The following EML5 variants were observed in gnomAD, a reference collection of about 807,000 sequenced individuals.
EML5 encodes the protein EMAP like 5, also known as echinoderm microtubule-associated protein-like 5.
In EML5, 120 loss-of-function variants were observed where a neutral mutation model predicts 250.0. The ratio of observed to expected loss-of-function variants is 0.48; its 90% CI spans 0.41 to 0.56. EML5 has a LOEUF of 0.56. Among genes scored for constraint, EML5 ranks in the 20% least tolerant of loss-of-function variants. The pLI, the probability that EML5 is intolerant of heterozygous loss-of-function variation, is 0.00. For synonymous variants in EML5, 771 were observed against 806.5 expected (o/e 0.96, Z 0.75); for missense variants, 2,006 against 2,437.6 (o/e 0.82, Z 3.73).
chr14:88,650,870 A>G (rs1299425), intron 27 of EML5, among the ~76,000 whole-genome samples: 98,857 of 151,998 alleles, frequency 0.65, 34,069 homozygotes, highest in East Asian at 0.94. Context: ...CTAAACACCT[A>G]GTCTCAAGCA....
At chr14:88,631,799 C>T (rs1438503116) in intron 33 of EML5, among the ~76,000 whole-genome samples, 1 of 152,004 alleles carries the variant, frequency 6.6e-6, no homozygotes, top group Non-Finnish European at 1.5e-5. Flanking sequence ...AACAGAAAAA[C>T]CCAAAGTGCT....
chr14:88,774,589 C>T (rs2094430049), intron 1 of EML5, among the ~76,000 whole-genome samples: 1 of 152,092 alleles, frequency 6.6e-6, no homozygotes, highest in Admixed American at 6.6e-5. Context: ...TTGGACACAG[C>T]TGATAATTCC....
chr14:88,688,534 C>CTTCTTTAT, intron 17 of EML5, 61 bp from the exon 18 acceptor site: 1 of 1,550,654 alleles, frequency 6.4e-7, no homozygotes, highest in Non-Finnish European at 8.8e-7. Flanking sequence ...TATAAAGAAG[C>CTTCTTTAT]AAAGTTTCTT....
intron 27 of EML5, among the ~76,000 whole-genome samples, chr14:88,651,890 C>T (rs2091646205): frequency 6.6e-6 from 1 of 152,012 alleles, no homozygotes; most frequent in African/African-American, 2.4e-5. Flanking sequence ...TATCTAAATT[C>T]TTGATTTACA....
chr14:88,651,308 G>A (rs2091616362), intron 27 of EML5, among the ~76,000 whole-genome samples: 1 of 151,724 alleles, frequency 6.6e-6, no homozygotes, highest in South Asian at 2.1e-4. Flanking sequence ...AAAATGCAAA[G>A]CAATTTGAAA....
intron 7 of EML5, among the ~76,000 whole-genome samples, chr14:88,729,122 A>AT (rs1170802115): frequency 6.6e-6 from 1 of 151,936 alleles, no homozygotes; most frequent in East Asian, 1.9e-4. Context: ...AATGGCAGTT[A>AT]TTTTTTTCCT....
At chr14:88,765,911 A>G (rs1414575338) in intron 1 of EML5, among the ~76,000 whole-genome samples, 3 of 152,228 alleles carry the variant, frequency 2.0e-5, no homozygotes, top group African/African-American at 4.8e-5. Flanking sequence ...GACCGGCTGA[A>G]GCCATGGCAG....
At chr14:88,695,872 C>T (rs1205180399) in intron 15 of EML5, among the ~76,000 whole-genome samples, 1 of 151,912 alleles carries the variant, frequency 6.6e-6, no homozygotes, top group Non-Finnish European at 1.5e-5. Context: ...ATGAAAAACA[C>T]GTAAGTTACA....
At chr14:88,688,691 T>C (rs1169070234) in intron 17 of EML5, among the ~76,000 whole-genome samples, 2 of 152,268 alleles carry the variant, frequency 1.3e-5, no homozygotes, top group Non-Finnish European at 2.9e-5. Flanking sequence ...AGACCTGGAC[T>C]AAGTCTGTTT....
intron 1 of EML5, among the ~76,000 whole-genome samples, chr14:88,791,929 C>T (rs1261505847): frequency 1.3e-5 from 2 of 152,186 alleles, no homozygotes; most frequent in Non-Finnish European, 2.9e-5. Context: ...TTTCCCCCCA[C>T]CCCGGGTGCT....
chr14:88,784,188 C>CA (rs959605060), intron 1 of EML5, among the ~76,000 whole-genome samples: 3 of 150,884 alleles, frequency 2.0e-5, no homozygotes, highest in Admixed American at 1.3e-4. Flanking sequence ...GTGCCTACAT[C>CA]AAAAAAAAGG....
At chr14:88,691,099 A>G (rs776301608) in intron 17 of EML5, among the ~76,000 whole-genome samples, 69 of 152,206 alleles carry the variant, frequency 4.5e-4, no homozygotes, top group Non-Finnish European at 7.2e-4. Flanking sequence ...ACTGCTGGGT[A>G]TCTGGCAGTG....
chr14:88,792,640 G>A lies in EML5; in HGVS notation c.-137C>T. ...GTCCTCTAAGCCGCGCCCGTCAGGT[G>A]CATCTCGTTTCGGGGGCCGCCGCCG... On this transcript the variant is annotated 5_prime_UTR_variant, in exon 1 of 44. Coordinates refer to ENST00000554922, the MANE Select transcript of EML5 (RefSeq NM_183387.3). This position sits in a 1 kb window ranked among gnomAD's most constrained non-coding sequence, Gnocchi z 6.9. The A allele has an allele frequency of 8.6e-7, 1 of 1,159,702 alleles. No homozygotes were observed. The highest frequency in any genetic ancestry group is 1.1e-6 in the Non-Finnish European group (1 of 942,552). The allele number at this position is 1,159,702 out of a possible 1,614,324, so 71.8% of individuals were successfully genotyped here.
chr14:88,693,407 G>A (rs567311732), intron 17 of EML5, among the ~76,000 whole-genome samples: 44 of 152,278 alleles, frequency 2.9e-4, no homozygotes, highest in African/African-American at 9.9e-4. Context: ...CTTATGCAGG[G>A]GAACTCCCAT....
At chr14:88,700,384 G>GA (rs1566658222) in intron 14 of EML5, among the ~76,000 whole-genome samples, 3 of 150,086 alleles carry the variant, frequency 2.0e-5, no homozygotes. Flanking sequence ...ACAATTATTT[G>GA]TTTTTTTTTC....
At chr14:88,654,160 A>G (rs909677695) in intron 27 of EML5, among the ~76,000 whole-genome samples, 2 of 151,336 alleles carry the variant, frequency 1.3e-5, no homozygotes, top group Non-Finnish European at 2.9e-5. Flanking sequence ...TGTCTTTTTG[A>G]TTTTTCTCTC....
chr14:88,773,191 T>A (rs1240158074), intron 1 of EML5, among the ~76,000 whole-genome samples: 1 of 152,274 alleles, frequency 6.6e-6, no homozygotes, highest in East Asian at 1.9e-4. Context: ...AGGCACTGGG[T>A]CATAGTACAC....
At chr14:88,623,138 C>T (rs964936511) in intron 36 of EML5, 1 of 152,436 alleles carries the variant, frequency 6.6e-6, no homozygotes, top group Non-Finnish European at 1.5e-5. Context: ...ACCTCAGCCT[C>T]CCGAGTAGCT....
At chr14:88,635,247 A>G (rs571139087) in intron 32 of EML5, among the ~76,000 whole-genome samples, 15 of 152,366 alleles carry the variant, frequency 9.8e-5, no homozygotes, top group African/African-American at 3.6e-4. Context: ...ATGATTTAAA[A>G]AACATATTGA....
Sources: allele counts gnomAD v4.1 joint callset (sites outside exome capture counted in the v4.1 genomes callset), GRCh38; gene constraint gnomAD v4.1.1; non-coding constraint Gnocchi (gnomAD v3.1); transcripts MANE v1.5; gene names NCBI Gene and HGNC (gene_info 2026-07-23, HGNC 2026-07-21).